Variants in FGGY observed in about 807,000 individuals in gnomAD.
FGGY encodes the protein FGGY carbohydrate kinase domain-containing protein.
In FGGY, 72 loss-of-function variants were observed where a neutral mutation model predicts 71.3. That is an observed-to-expected ratio of 1.01 (90% CI 0.84 to 1.23). The LOEUF (loss-of-function observed/expected upper bound fraction) is 1.23, where lower values mean the gene tolerates loss of function less well. FGGY is among the 50% of genes most tolerant of loss of function. The pLI is 0.00. For synonymous variants in FGGY, 251 were observed against 250.3 expected (o/e 1.00, Z -0.02); for missense variants, 668 against 682.3 (o/e 0.98, Z 0.23).
At chr1:59,667,462 C>T in intron 13 of FGGY, 59 bp downstream of exon 13, 3 of 1,595,584 alleles carry the variant, frequency 1.9e-6, no homozygotes, top group Non-Finnish European at 2.6e-6. Flanking sequence ...ATGGGCATGG[C>T]CAAGTTCTGG....
chr1:59,459,633 CA>C (rs994208265), intron 6 of FGGY, among the ~76,000 whole-genome samples: 52 of 152,134 alleles, frequency 3.4e-4, no homozygotes, highest in African/African-American at 1.2e-3. Flanking sequence ...CCTTTAATTC[CA>C]CATGAATAAT....
intron 1 of FGGY, among the ~76,000 whole-genome samples, chr1:59,314,282 T>A (rs1357882967): frequency 2.6e-5 from 4 of 152,170 alleles, no homozygotes; most frequent in Admixed American, 6.5e-5. Context: ...AAAATTTTTT[T>A]AAAAGATGTG....
intron 6 of FGGY, among the ~76,000 whole-genome samples, chr1:59,481,253 T>G (rs1185088853): frequency 6.6e-6 from 1 of 152,170 alleles, no homozygotes; most frequent in East Asian, 1.9e-4. Context: ...GTTCTTTAAA[T>G]TTTTAAAAAT....
chr1:59,339,360 T>C (rs895829524), intron 2 of FGGY, among the ~76,000 whole-genome samples: 2 of 152,166 alleles, frequency 1.3e-5, no homozygotes, highest in African/African-American at 2.4e-5. Flanking sequence ...TTTGTACTTA[T>C]CTAATTGGAG....
chr1:59,603,884 T>C (rs1311744274), intron 8 of FGGY, among the ~76,000 whole-genome samples: 1 of 152,206 alleles, frequency 6.6e-6, no homozygotes, highest in Non-Finnish European at 1.5e-5. Flanking sequence ...TAGCCTAAAA[T>C]TAAGACTATA....
chr1:59,703,715 C>T (rs2097729149), intron 14 of FGGY, among the ~76,000 whole-genome samples: 1 of 152,208 alleles, frequency 6.6e-6, no homozygotes, highest in African/African-American at 2.4e-5. Flanking sequence ...AAGGATCTGT[C>T]TTTAAAAGCA....
chr1:59,720,632 G>C (rs71637748), intron 14 of FGGY, among the ~76,000 whole-genome samples: 62 of 152,296 alleles, frequency 4.1e-4, no homozygotes, highest in Non-Finnish European at 5.0e-4. Context: ...ACATGCCTTA[G>C]GCATCTTCCA....
Position 59,536,728 on chromosome 1 carries a change from T to G in FGGY, c.800-17396T>G, listed in dbSNP as rs565844762. 2.6e-4 allele frequency among the ~76,000 whole-genome samples: 39 copies of G among 152,304 alleles called. No homozygotes were observed. In the South Asian group the frequency reaches 4.2e-3, roughly 16 times the overall value. Reference sequence around the variant, plus strand: ...GTAAATCAAAAAATATAATCCAGCATATACAGAACCAAAGACAAAAACCAC... The same window carrying G: ...GTAAATCAAAAAATATAATCCAGCAGATACAGAACCAAAGACAAAAACCAC... On this transcript the variant is annotated intron_variant, in intron 7 of 15. Coordinates refer to ENST00000303721, the MANE Select transcript of FGGY (RefSeq NM_018291.5).
rs987167246 is a variant in FGGY at position 59,420,771 on chromosome 1, T to C, written c.555-36190T>C. Among the ~76,000 whole-genome samples the C allele has an allele frequency of 2.0e-4, 30 of 152,302 alleles. 1 individual carries two copies. Among genetic ancestry groups the C allele is most frequent in the Middle Eastern group, 3.4e-3 (1 of 294 alleles). The stretch of plus-strand genomic sequence containing the variant: ...TTATATTGCTGAGATCTCTGAAGAC[T>C]AGAAAGATCCTTTTCAATTTTTTTT... On this transcript the variant is annotated intron_variant, in intron 5 of 15. Transcript: ENST00000303721.
chr1:59,479,871 GGTT>G (rs1358335574), intron 6 of FGGY, among the ~76,000 whole-genome samples: 3 of 152,032 alleles, frequency 2.0e-5, no homozygotes, highest in African/African-American at 7.2e-5. Flanking sequence ...CACAGGAAAG[GGTT>G]GTTCTTTTGT....
At chr1:59,488,489 A>C (rs2093722738) in intron 6 of FGGY, among the ~76,000 whole-genome samples, 1 of 148,622 alleles carries the variant, frequency 6.7e-6, no homozygotes, top group Non-Finnish European at 1.5e-5. Context: ...GTATGTGTAT[A>C]TGTGTGTGTA....
At chr1:59,466,849 A>G (rs1478070566) in intron 6 of FGGY, among the ~76,000 whole-genome samples, 1 of 152,162 alleles carries the variant, frequency 6.6e-6, no homozygotes, top group Non-Finnish European at 1.5e-5. Flanking sequence ...TAAACAGGAA[A>G]CAACAGGTGC....
At chr1:59,748,219 A>T (rs1300499388) in intron 14 of FGGY, among the ~76,000 whole-genome samples, 3 of 151,980 alleles carry the variant, frequency 2.0e-5, no homozygotes, top group African/African-American at 7.3e-5. Flanking sequence ...TTCAGGAGGG[A>T]GGAGAGCAGA....
chr1:59,348,401 G>A (rs2052558194), intron 4 of FGGY, among the ~76,000 whole-genome samples: 1 of 152,110 alleles, frequency 6.6e-6, no homozygotes, highest in Non-Finnish European at 1.5e-5. Flanking sequence ...CAAAGCACTT[G>A]CAGGTGGCTC....
At chr1:59,636,708 C>A (rs1406032381) in intron 10 of FGGY, among the ~76,000 whole-genome samples, 1 of 152,196 alleles carries the variant, frequency 6.6e-6, no homozygotes, top group Non-Finnish European at 1.5e-5. Flanking sequence ...AATCAATGCT[C>A]TACTCATTGG....
chr1:59,539,624 C>G (rs1307081263), intron 7 of FGGY, among the ~76,000 whole-genome samples: 1 of 152,108 alleles, frequency 6.6e-6, no homozygotes. Flanking sequence ...AGATTAAAAA[C>G]TTAAGTATGA....
At chr1:59,561,579 G>C (rs2095794191) in intron 8 of FGGY, among the ~76,000 whole-genome samples, 1 of 152,284 alleles carries the variant, frequency 6.6e-6, no homozygotes, top group Admixed American at 6.5e-5. Flanking sequence ...CTCATGAGGA[G>C]ATAAGCAGTA....
At chr1:59,371,482 A>G (rs1037676862) in intron 4 of FGGY, among the ~76,000 whole-genome samples, 68 of 152,284 alleles carry the variant, frequency 4.5e-4, no homozygotes, top group Admixed American at 1.0e-3. Context: ...CCCACTGTCA[A>G]CATTAGACAG....
intron 11 of FGGY, among the ~76,000 whole-genome samples, chr1:59,647,355 A>G (rs910898539): frequency 3.0e-4 from 46 of 152,340 alleles, no homozygotes; most frequent in African/African-American, 1.1e-3. Context: ...GTAAACAGCA[A>G]ACAAAGTAGT....
Sources: allele counts gnomAD v4.1 joint callset (sites outside exome capture counted in the v4.1 genomes callset), GRCh38; gene constraint gnomAD v4.1.1; transcripts MANE v1.5; gene names NCBI Gene and HGNC (gene_info 2026-07-23, HGNC 2026-07-21).